SLC25A31: variants seen among roughly 807,000 people sequenced by gnomAD.
The protein encoded by SLC25A31 is solute carrier family 25 member 31.
In SLC25A31, 40 loss-of-function variants were observed where a neutral mutation model predicts 36.2. That is an observed-to-expected ratio of 1.10 (90% CI 0.86 to 1.44). The LOEUF is 1.44. SLC25A31 is among the 40% of genes most tolerant of loss of function. The pLI is 0.00. For synonymous variants in SLC25A31, 143 were observed against 149.7 expected, an observed-to-expected ratio of 0.96 and a Z score of 0.32; for missense variants, 350 against 397.1, an observed-to-expected ratio of 0.88 and a Z score of 1.01.
chr4:127,741,365 T>G (rs999043669), intron 1 of SLC25A31, among the ~76,000 whole-genome samples: 1 of 152,204 alleles, frequency 6.6e-6, no homozygotes, highest in Non-Finnish European at 1.5e-5. Context: ...TTGTCACATA[T>G]GGCCTTTATT....
intron 1 of SLC25A31, among the ~76,000 whole-genome samples, chr4:127,734,537 G>A (rs1253241208): frequency 7.1e-6 from 1 of 141,166 alleles, no homozygotes; most frequent in African/African-American, 2.6e-5. Context: ...TCCATCCTGG[G>A]TACAGAGGAA....
chr4:127,739,456 G>A (rs79183996), intron 1 of SLC25A31, among the ~76,000 whole-genome samples: 3,908 of 152,240 alleles, frequency 0.026, 85 homozygotes, highest in Non-Finnish European at 0.035. Context: ...CTGCTGAGAA[G>A]GCTACTGTTA....
At chr4:127,731,485 T>C (rs1051272453) in intron 1 of SLC25A31, among the ~76,000 whole-genome samples, 10 of 152,098 alleles carry the variant, frequency 6.6e-5, no homozygotes, top group Non-Finnish European at 1.3e-4. Flanking sequence ...GGCGGATCAC[T>C]TGAGCTCGAG....
chr4:127,734,980 T>G (rs1408783343), intron 1 of SLC25A31, among the ~76,000 whole-genome samples: 1 of 152,158 alleles, frequency 6.6e-6, no homozygotes, highest in East Asian at 1.9e-4. Flanking sequence ...ATTGTTTATG[T>G]TTGCCCAATT....
chr4:127,753,332 A>G (rs138216923), intron 2 of SLC25A31, among the ~76,000 whole-genome samples: 97 of 152,164 alleles, frequency 6.4e-4, no homozygotes, highest in African/African-American at 2.3e-3. Flanking sequence ...AAAAAAAATC[A>G]CAATAGAAAT....
At chr4:127,733,793 A>G (rs1731574040) in intron 1 of SLC25A31, among the ~76,000 whole-genome samples, 1 of 152,152 alleles carries the variant, frequency 6.6e-6, no homozygotes, top group Non-Finnish European at 1.5e-5. Flanking sequence ...GCCATGTGAA[A>G]TGAGCTGGAG....
At chr4:127,735,880 ATTTATTTATTTAT>A (rs1731618464) in intron 1 of SLC25A31, among the ~76,000 whole-genome samples, 2 of 70,046 alleles carry the variant, frequency 2.9e-5, no homozygotes, top group East Asian at 4.4e-4. Context: ...TTATTTATTT[ATTTATTTATTTAT>A]TTATTTTTTT....
Position 127,730,506 on chromosome 4 carries a change from T to G in SLC25A31, c.-40T>G. 1.3e-6 allele frequency: 2 copies of G among 1,595,836 alleles called. No homozygotes were observed. Among genetic ancestry groups the G allele is most frequent in the Non-Finnish European group, 1.7e-6 (2 of 1,164,934 alleles). On this transcript the variant is annotated 5_prime_UTR_variant, in exon 1 of 6. Coordinates refer to ENST00000281154, the MANE Select transcript of SLC25A31 (RefSeq NM_031291.4). ...CCCTTCATCGTAGCTCCCGTACTCA[T>G]TTTTAGCCACTGCTGCCGGTTTTTA...
At chr4:127,744,581 T>C in intron 1 of SLC25A31, 91 bp from the exon 2 acceptor site, 1 of 1,120,480 alleles carries the variant, frequency 8.9e-7, no homozygotes, top group Non-Finnish European at 1.2e-6. Context: ...GAGTATGTTT[T>C]AGATAGTTCA....
In SLC25A31 at chr4:127,730,469, G is replaced by T. The variant is rs115332130; in HGVS notation, c.-77G>T. 8 of 1,464,900 alleles carry T rather than the reference G, an allele frequency of 5.5e-6. No homozygotes were observed. In the African/African-American group the frequency reaches 9.7e-5, roughly 18 times the overall value. The allele number at this position is 1,464,900 out of a possible 1,614,324, so 90.7% of individuals were successfully genotyped here. A position where few individuals can be genotyped will look rare whatever the true frequency, so the allele number is the denominator to read the frequency against. ...CAGTACGATGCTGCAGCGGTTTTCC[G>T]GTTTTCCGCTTCCCTTCATCGTAGC... On this transcript the variant is annotated 5_prime_UTR_variant, in exon 1 of 6. Transcript: ENST00000281154.
intron 1 of SLC25A31, among the ~76,000 whole-genome samples, chr4:127,744,098 C>T (rs764514637): frequency 7.2e-5 from 11 of 152,120 alleles, no homozygotes; most frequent in Non-Finnish European, 1.2e-4. Flanking sequence ...AGATTACTGG[C>T]GTCAAAGATT....
In SLC25A31 at chr4:127,773,547, C is replaced by A. The variant is rs751513429; in HGVS notation, c.921C>A (p.Phe307Leu). The change falls in exon 6 of 6, where the codon TTC becomes TTA. Residue 307 changes from phenylalanine to leucine, a missense_variant. By Grantham distance (22) the Phe-to-Leu change is conservative. Transcript: ENST00000281154. ...VLVLYDKIKE[F>L]FHIDIGGR ...TATTATATGATAAAATTAAAGAATT[C>A]TTTCATATTGATATTGGTGGTAGGT... The A allele has an allele frequency of 1.3e-4, 208 of 1,600,714 alleles. No homozygotes were observed. The highest frequency in any genetic ancestry group is 1.7e-4 in the Non-Finnish European group (200 of 1,175,708).
intron 3 of SLC25A31, among the ~76,000 whole-genome samples, chr4:127,766,517 A>G (rs1169621235): frequency 6.6e-6 from 1 of 151,620 alleles, no homozygotes; most frequent in African/African-American, 2.4e-5. Context: ...GTTTTAATAG[A>G]GACAGGGTCT....
intron 3 of SLC25A31, among the ~76,000 whole-genome samples, chr4:127,765,059 T>A (rs1049161262): frequency 6.6e-6 from 1 of 152,208 alleles, no homozygotes; most frequent in Admixed American, 6.5e-5. Flanking sequence ...TATTTCACAA[T>A]AAAATATCTT....
intron 3 of SLC25A31, among the ~76,000 whole-genome samples, 198 bp downstream of exon 3, chr4:127,764,558 T>C (rs1405283034): frequency 6.6e-6 from 1 of 152,204 alleles, no homozygotes; most frequent in Non-Finnish European, 1.5e-5. Context: ...GGAAAGCCTG[T>C]TGTAACAAAA....
chr4:127,754,997 T>A (rs2148759992), intron 2 of SLC25A31, among the ~76,000 whole-genome samples: 1 of 152,242 alleles, frequency 6.6e-6, no homozygotes, highest in East Asian at 1.9e-4. Context: ...CTCACATATC[T>A]ATGGTCAGTT....
At chr4:127,772,799 T>C (rs75331683) in intron 5 of SLC25A31, among the ~76,000 whole-genome samples, 1 of 150,908 alleles carries the variant, frequency 6.6e-6, no homozygotes, top group Admixed American at 6.6e-5. Flanking sequence ...TTTTTTTTTT[T>C]GAGACAGGGT....
At chr4:127,749,323 G>T (rs1731882564) in intron 2 of SLC25A31, among the ~76,000 whole-genome samples, 1 of 152,104 alleles carries the variant, frequency 6.6e-6, no homozygotes, top group Admixed American at 6.6e-5. Flanking sequence ...ACACAATGAA[G>T]AAAAAGGGGA....
intron 1 of SLC25A31, among the ~76,000 whole-genome samples, chr4:127,742,410 G>A (rs1442775994): frequency 1.3e-5 from 2 of 152,102 alleles, no homozygotes; most frequent in Non-Finnish European, 2.9e-5. Context: ...TTGATTACCT[G>A]TTGACCAAGT....
Sources: gnomAD v4.1 joint callset for allele counts (sites outside exome capture counted in the v4.1 genomes callset) on GRCh38, gnomAD v4.1.1 for gene constraint, MANE v1.5 for transcripts, NCBI Gene and HGNC (gene_info 2026-07-23, HGNC 2026-07-21) for gene names.